Variants in TMPRSS6 observed in about 807,000 individuals in gnomAD.
TMPRSS6 encodes the protein transmembrane serine protease 6.
A neutral mutation model predicts 101.5 loss-of-function variants in TMPRSS6; 67 were observed. That is an observed-to-expected ratio of 0.66 (90% CI 0.54 to 0.81). TMPRSS6 has a LOEUF of 0.81. TMPRSS6 is among the 30% of genes least tolerant of loss of function. TMPRSS6 has a pLI of 0.00. For missense variants in TMPRSS6, 1,034 were observed against 1,088.7 expected (o/e 0.95, Z 0.71); for synonymous variants, 453 against 464.9 (o/e 0.97, Z 0.33).
chr22:37,073,306 GC>G (rs1927310633), intron 13 of TMPRSS6, among the ~76,000 whole-genome samples: 1 of 150,366 alleles, frequency 6.7e-6, no homozygotes, highest in Non-Finnish European at 1.5e-5. Flanking sequence ...TAAATGGGTA[GC>G]TGTATGAATC....
chr22:37,095,719 C>T (rs1225700370), intron 5 of TMPRSS6, 127 bp from the exon 6 acceptor site: 4 of 1,216,090 alleles, frequency 3.3e-6, no homozygotes, highest in African/African-American at 1.5e-5. Flanking sequence ...ACCCTAAATG[C>T]CCCCATCCCA....
intron 7 of TMPRSS6, among the ~76,000 whole-genome samples, chr22:37,088,476 G>C (rs894403455): frequency 1.3e-5 from 2 of 152,108 alleles, no homozygotes; most frequent in East Asian, 3.9e-4. Flanking sequence ...ATAAACAATC[G>C]CTGAGAACTG....
chr22:37,102,783 G>A (rs1218183009), intron 2 of TMPRSS6, among the ~76,000 whole-genome samples: 1 of 152,152 alleles, frequency 6.6e-6, no homozygotes, highest in East Asian at 1.9e-4. Context: ...CAAGTGAGCA[G>A]AGGCACTAAT....
In TMPRSS6 at chr22:37,069,373, GGGTGA is replaced by G. The variant is rs761428171; in HGVS notation, c.1842-34_1842-30del. Reference sequence around the variant, plus strand: ...GGGTGGGGTGGGGTGGGGTGGGGTGGGGTGAGGTGAGGTGGGAGGAAGCTGCCTCT... The same window carrying G: ...GGGTGGGGTGGGGTGGGGTGGGGTGGGGTGAGGTGGGAGGAAGCTGCCTCT... On this transcript the variant is annotated intron_variant, in intron 15 of 17. Coordinates refer to ENST00000676104, the MANE Select transcript of TMPRSS6 (RefSeq NM_001374504.1). The surrounding 1 kb of genome is among the most constrained non-coding windows in gnomAD (Gnocchi z 4.8). 10 of 1,293,586 alleles carry G rather than the reference GGGTGA, an allele frequency of 7.7e-6. No individual in the cohort carries two copies. The South Asian group carries it at 8.1e-5, about 10-fold the overall frequency. The allele number at this position is 1,293,586 out of a possible 1,614,324, so 80.1% of individuals were successfully genotyped here. A position where few individuals can be genotyped will look rare whatever the true frequency, so the allele number is the denominator to read the frequency against.
chr22:37,074,761 G>A (rs1373104176), intron 11 of TMPRSS6, 53 bp from the exon 12 acceptor site: 15 of 1,583,414 alleles, frequency 9.5e-6, no homozygotes, highest in Admixed American at 5.1e-5. Context: ...TAGGCCATGC[G>A]TAGCCGCGAA....
chr22:37,098,267 C>T (rs572610055), intron 3 of TMPRSS6, 149 bp downstream of exon 3: 25 of 1,189,064 alleles, frequency 2.1e-5, no homozygotes, highest in Non-Finnish European at 3.0e-5. Flanking sequence ...TGACCCTCAA[C>T]CTCATCTGCT....
intron 4 of TMPRSS6, among the ~76,000 whole-genome samples, 191 bp downstream of exon 4, chr22:37,096,457 A>G (rs1929771870): frequency 6.6e-6 from 1 of 152,150 alleles, no homozygotes; most frequent in East Asian, 1.9e-4. Flanking sequence ...CAAACCTATC[A>G]CACCCATGTT....
chr22:37,066,734 C>T, intron 17 of TMPRSS6, 92 bp downstream of exon 17: 1 of 1,566,204 alleles, frequency 6.4e-7, no homozygotes, highest in Non-Finnish European at 8.8e-7. Context: ...TGGGAGGCTT[C>T]AGCAGGCTGA....
At chr22:37,106,632 C>A (rs750817752) in intron 1 of TMPRSS6, among the ~76,000 whole-genome samples, 3 of 152,156 alleles carry the variant, frequency 2.0e-5, no homozygotes, top group Non-Finnish European at 4.4e-5. Flanking sequence ...GCCTCCATTG[C>A]GTCTTCCAGC....
intron 6 of TMPRSS6, among the ~76,000 whole-genome samples, chr22:37,092,742 C>T (rs1223289520): frequency 2.6e-5 from 4 of 152,222 alleles, no homozygotes; most frequent in Middle Eastern, 3.2e-3. Context: ...GTGATCCGCT[C>T]AACTTGGCCT....
chr22:37,102,669 C>G (rs148468560), intron 2 of TMPRSS6, among the ~76,000 whole-genome samples: 165 of 152,330 alleles, frequency 1.1e-3, no homozygotes, highest in African/African-American at 4.0e-3. Flanking sequence ...CCAAGGCTGG[C>G]TGCTCTCCAG....
At chr22:37,108,395 C>T (rs1930847237) in intron 1 of TMPRSS6, among the ~76,000 whole-genome samples, 2 of 152,322 alleles carry the variant, frequency 1.3e-5, no homozygotes, top group Non-Finnish European at 2.9e-5. Context: ...CCTGTGGGCA[C>T]TCTCTCTTTG....
At chr22:37,108,890 T>TG (rs145539435) in intron 1 of TMPRSS6, among the ~76,000 whole-genome samples, 1 of 152,054 alleles carries the variant, frequency 6.6e-6, no homozygotes, top group Non-Finnish European at 1.5e-5. Context: ...GGGGACTGGG[T>TG]GGGGGTCCCT....
chr22:37,068,747 A>G (rs1383325469), intron 16 of TMPRSS6: 1 of 773,060 alleles, frequency 1.3e-6, no homozygotes. Flanking sequence ...AAGTGCTAGT[A>G]ATTAAGAGCC....
In TMPRSS6 at chr22:37,095,547, G is replaced by A. The variant is rs201427197; in HGVS notation, c.631+4C>T. On this transcript the variant is annotated splice_donor_region_variant and intron_variant, in intron 6 of 17. Coordinates refer to ENST00000676104, the MANE Select transcript of TMPRSS6 (RefSeq NM_001374504.1). ...AATGGGGAGGGGAAAAAAAAATAGC[G>A]TACCCAGCGTGGAATTCAATGCAGC... The A allele has an allele frequency of 2.2e-4, 355 of 1,611,606 alleles. 1 individual carries two copies. The highest frequency in any genetic ancestry group is 7.3e-4 in the African/African-American group (54 of 74,416).
At chr22:37,090,616 GT>G (rs1226218609) in intron 6 of TMPRSS6, among the ~76,000 whole-genome samples, 2 of 152,224 alleles carry the variant, frequency 1.3e-5, no homozygotes, top group Non-Finnish European at 2.9e-5. Context: ...CACAACAGCT[GT>G]ATGAGATACT....
At chr22:37,074,842 G>T in intron 11 of TMPRSS6, 134 bp from the exon 12 acceptor site, 1 of 958,450 alleles carries the variant, frequency 1.0e-6, no homozygotes, top group Non-Finnish European at 1.6e-6. Flanking sequence ...CGTGGTCCTG[G>T]GCACCTGTGT....
chr22:37,105,232 G>T (rs1454973226), intron 1 of TMPRSS6, among the ~76,000 whole-genome samples: 1 of 152,212 alleles, frequency 6.6e-6, no homozygotes, highest in African/African-American at 2.4e-5. Context: ...ATACAAGGAA[G>T]GGAGGGACTG....
intron 2 of TMPRSS6, among the ~76,000 whole-genome samples, chr22:37,102,561 C>A (rs1218646649): frequency 1.3e-5 from 2 of 152,154 alleles, no homozygotes; most frequent in African/African-American, 4.8e-5. Flanking sequence ...TGAATGGGCC[C>A]AGAGCACAGG....
Sources: gnomAD v4.1 joint callset for allele counts (sites outside exome capture counted in the v4.1 genomes callset) on GRCh38, gnomAD v4.1.1 for gene constraint, Gnocchi (gnomAD v3.1) non-coding constraint, MANE v1.5 for transcripts, NCBI Gene and HGNC (gene_info 2026-07-23, HGNC 2026-07-21) for gene names.